SCLT1: variants seen among roughly 807,000 people sequenced by gnomAD.
SCLT1 encodes sodium channel-associated protein 1.
SCLT1 carries 78 observed loss-of-function variants against 112.8 expected under a neutral mutation model. That is an observed-to-expected ratio of 0.69 (90% CI 0.58 to 0.83). The LOEUF is 0.83. SCLT1 is among the 40% of genes least tolerant of loss of function. The pLI is 0.00. For synonymous variants in SCLT1, 257 were observed against 254.7 expected, an observed-to-expected ratio of 1.01 and a Z score of -0.09; for missense variants, 747 against 770.4, an observed-to-expected ratio of 0.97 and a Z score of 0.36.
At chr4:129,016,188 A>G (rs1391512789) in intron 5 of SCLT1, among the ~76,000 whole-genome samples, 13 of 152,088 alleles carry the variant, frequency 8.5e-5, no homozygotes, top group Admixed American at 8.5e-4. Flanking sequence ...TTATTTTAAG[A>G]TCTGGGATAC....
intron 3 of SCLT1, among the ~76,000 whole-genome samples, chr4:128,878,881 C>CTT (rs1450506511): frequency 1.3e-5 from 2 of 150,386 alleles, no homozygotes; most frequent in Admixed American, 1.3e-4. Flanking sequence ...TACGAAGATA[C>CTT]TTTGTTCTAG....
At chr4:128,998,798 CA>C (rs1178850657) in intron 7 of SCLT1, among the ~76,000 whole-genome samples, 27 of 151,222 alleles carry the variant, frequency 1.8e-4, no homozygotes, top group African/African-American at 5.1e-4. Flanking sequence ...AGTATTTTTA[CA>C]ATTTCTTTAG....
At chr4:128,982,259 T>C (rs1741723587) in intron 9 of SCLT1, among the ~76,000 whole-genome samples, 1 of 152,142 alleles carries the variant, frequency 6.6e-6, no homozygotes, top group African/African-American at 2.4e-5. Context: ...TAATGAGATC[T>C]CATCCTCACA....
chr4:129,010,570 T>C (rs1744431871), intron 5 of SCLT1, among the ~76,000 whole-genome samples: 1 of 152,196 alleles, frequency 6.6e-6, no homozygotes, highest in Admixed American at 6.5e-5. Flanking sequence ...TTTCATTTGT[T>C]TGTGTAATCT....
chr4:128,891,348 G>A (rs374440085), intron 18 of SCLT1, among the ~76,000 whole-genome samples: 3 of 152,048 alleles, frequency 2.0e-5, no homozygotes, highest in Non-Finnish European at 4.4e-5. Context: ...ACAACAATGT[G>A]TATACATGTA....
In SCLT1 at chr4:129,064,864, A is replaced by G. The variant is rs926658654; in HGVS notation, c.102+17442T>C. Among the ~76,000 whole-genome samples, 17 of 152,144 alleles carry G rather than the reference A, an allele frequency of 1.1e-4. 1 individual carries two copies. The highest frequency in any genetic ancestry group is 1.0e-3 in the Admixed American group (16 of 15,268). ...GAAAACAAATTATAAGTAATTTGAA[A>G]CCCTTAAAATTTGTTGAAATTTATG... On this transcript the variant is annotated intron_variant, in intron 2 of 20. Transcript: ENST00000281142.
At chr4:129,000,001 A>G (rs961719717) in intron 6 of SCLT1, among the ~76,000 whole-genome samples, 1 of 151,922 alleles carries the variant, frequency 6.6e-6, no homozygotes, top group Non-Finnish European at 1.5e-5. Flanking sequence ...AAAGTTCCTT[A>G]TTTTGAAATT....
intron 4 of SCLT1, chr4:129,040,168 T>C: frequency 1.4e-6 from 1 of 702,642 alleles, no homozygotes; most frequent in Non-Finnish European, 2.6e-6. Context: ...ATTCTAACTA[T>C]AAATTTGGTT....
At chr4:128,879,133 A>G (rs1732587387), downstream of SCLT1, among the ~76,000 whole-genome samples, 1 of 152,180 alleles carries the variant, frequency 6.6e-6, no homozygotes, top group Non-Finnish European at 1.5e-5. Flanking sequence ...ATTAAAAAAA[A>G]AAAAGCTCAC....
intron 5 of SCLT1, among the ~76,000 whole-genome samples, chr4:129,025,638 A>C (rs142655511): frequency 0.036 from 5,427 of 152,040 alleles, 107 homozygotes; most frequent in South Asian, 0.053. Flanking sequence ...GAAACTGCAT[A>C]AACTAACGAG....
At chr4:129,070,793 G>C (rs530908045) in intron 2 of SCLT1, among the ~76,000 whole-genome samples, 1 of 151,968 alleles carries the variant, frequency 6.6e-6, no homozygotes, top group African/African-American at 2.4e-5. Flanking sequence ...TCTAATCTTG[G>C]TTATTTCCTT....
chr4:129,042,318 A>G (rs1747767762), intron 4 of SCLT1, among the ~76,000 whole-genome samples: 1 of 152,188 alleles, frequency 6.6e-6, no homozygotes, highest in African/African-American at 2.4e-5. Context: ...ACATTTTCAG[A>G]TCAAAGAAAC....
intron 9 of SCLT1, chr4:128,972,254 T>C (rs1159682354): frequency 3.3e-5 from 5 of 152,068 alleles, no homozygotes; most frequent in African/African-American, 1.2e-4. Context: ...AGGATAAAAC[T>C]GAGAAAACTC....
At chr4:129,049,809 G>A (rs1421487063) in intron 2 of SCLT1, among the ~76,000 whole-genome samples, 4 of 151,900 alleles carry the variant, frequency 2.6e-5, no homozygotes. Context: ...TGCCATGGTG[G>A]TTTGCTGCAC....
intron 5 of SCLT1, chr4:129,037,721 T>C (rs1747306749): frequency 6.6e-6 from 1 of 152,230 alleles, no homozygotes; most frequent in Admixed American, 6.5e-5. Context: ...TATTGTTTAC[T>C]GTGTTGAGAC....
chr4:128,907,305 G>A (rs1734766153), intron 18 of SCLT1, among the ~76,000 whole-genome samples: 1 of 152,148 alleles, frequency 6.6e-6, no homozygotes, highest in African/African-American at 2.4e-5. Context: ...AAATAGTAAG[G>A]ATATTAATCC....
chr4:128,989,946 G>C (rs895667497), intron 9 of SCLT1, among the ~76,000 whole-genome samples: 1 of 79,104 alleles, frequency 1.3e-5, no homozygotes, highest in African/African-American at 3.0e-5. Flanking sequence ...CAAGGAGATA[G>C]AAGTGGCAAT....
intron 18 of SCLT1, among the ~76,000 whole-genome samples, chr4:128,901,111 G>A (rs1734253752): frequency 6.6e-6 from 1 of 152,278 alleles, no homozygotes; most frequent in Non-Finnish European, 1.5e-5. Flanking sequence ...AAGTCAGTGA[G>A]GCAATTCCTC....
intron 19 of SCLT1, among the ~76,000 whole-genome samples, chr4:128,890,035 G>T (rs1733190592): frequency 6.6e-6 from 1 of 152,098 alleles, no homozygotes; most frequent in African/African-American, 2.4e-5. Context: ...ATATTGGCTG[G>T]TCCAATTTAC....
Sources: allele counts gnomAD v4.1 joint callset (sites outside exome capture counted in the v4.1 genomes callset), GRCh38; gene constraint gnomAD v4.1.1; transcripts MANE v1.5; gene names NCBI Gene and HGNC (gene_info 2026-07-23, HGNC 2026-07-21).